The following SPMIP2 variants were observed in gnomAD, a reference collection of about 807,000 sequenced individuals.
SPMIP2 encodes the protein sperm microtubule inner protein 2, also known as protein SPMIP2.
At chr4:159,051,967 C>T in the SPMIP2 span, among the ~76,000 whole-genome samples, 4 of 152,094 alleles carry the variant, frequency 2.6e-5, no homozygotes, top group Non-Finnish European at 5.9e-5. Flanking sequence ...TGCCCTGCCC[C>T]CACACCCTCC....
chr4:159,046,479 C>G, the SPMIP2 span, among the ~76,000 whole-genome samples: 1 of 152,196 alleles, frequency 6.6e-6, no homozygotes, highest in African/African-American at 2.4e-5. Context: ...TCCTCAGCAG[C>G]ACTGGGAGTA....
chr4:158,905,392 C>T, the SPMIP2 span: 1 of 152,160 alleles, frequency 6.6e-6, no homozygotes, highest in Non-Finnish European at 1.5e-5. Flanking sequence ...TTTCTATAAG[C>T]TCAAGAGTGT....
the SPMIP2 span, among the ~76,000 whole-genome samples, chr4:158,970,477 C>CT: frequency 6.6e-6 from 1 of 151,884 alleles, no homozygotes; most frequent in East Asian, 1.9e-4. Context: ...GAGATGGAGG[C>CT]TGCAGTGAGC....
chr4:158,969,601 A>C, the SPMIP2 span, among the ~76,000 whole-genome samples: 1 of 152,206 alleles, frequency 6.6e-6, no homozygotes, highest in African/African-American at 2.4e-5. Flanking sequence ...GGTGTCACTC[A>C]GCATGGAAGT....
chr4:158,995,636 A>ACC, the SPMIP2 span, among the ~76,000 whole-genome samples: 1 of 152,104 alleles, frequency 6.6e-6, no homozygotes, highest in Non-Finnish European at 1.5e-5. Flanking sequence ...AGGCAGGTGG[A>ACC]TCACAAGGTC....
the SPMIP2 span, among the ~76,000 whole-genome samples, chr4:158,969,068 G>A: frequency 2.6e-5 from 4 of 152,030 alleles, no homozygotes; most frequent in Non-Finnish European, 5.9e-5. Context: ...ATGATTAATT[G>A]ATTTAATATT....
the SPMIP2 span, among the ~76,000 whole-genome samples, chr4:158,999,197 C>CAAAA: frequency 2.0e-5 from 3 of 149,230 alleles, no homozygotes; most frequent in African/African-American, 7.4e-5. Flanking sequence ...AAAAAAAACC[C>CAAAA]AAAAAAACCC....
At chr4:159,025,617 G>A in the SPMIP2 span, among the ~76,000 whole-genome samples, 1 of 151,854 alleles carries the variant, frequency 6.6e-6, no homozygotes, top group Admixed American at 6.6e-5. Flanking sequence ...TACTTGGTTG[G>A]CTTATTAAGA....
the SPMIP2 span, among the ~76,000 whole-genome samples, chr4:158,988,161 G>T: frequency 3.3e-5 from 5 of 151,326 alleles, no homozygotes; most frequent in East Asian, 9.7e-4. Context: ...ATAAATTCCT[G>T]GGCACATACA....
At chr4:159,039,995 A>G in the SPMIP2 span, among the ~76,000 whole-genome samples, 4 of 152,382 alleles carry the variant, frequency 2.6e-5, no homozygotes, top group African/African-American at 9.6e-5. Flanking sequence ...AACACAGGTC[A>G]GAATGTACTA....
At chr4:158,967,380 A>G in the SPMIP2 span, among the ~76,000 whole-genome samples, 42 of 152,284 alleles carry the variant, frequency 2.8e-4, no homozygotes, top group East Asian at 7.9e-3. Context: ...AAGACATATA[A>G]CTTTATACCA....
At chr4:159,000,650 C>T in the SPMIP2 span, among the ~76,000 whole-genome samples, 2 of 151,926 alleles carry the variant, frequency 1.3e-5, no homozygotes, top group East Asian at 1.9e-4. Flanking sequence ...CACGCCACCA[C>T]GCCCGGCTAG....
At chr4:159,025,926 G>C in the SPMIP2 span, among the ~76,000 whole-genome samples, 1 of 152,116 alleles carries the variant, frequency 6.6e-6, no homozygotes, top group Non-Finnish European at 1.5e-5. Flanking sequence ...TTTCCTAGTA[G>C]GTAGCACAGG....
chr4:158,899,845 G>A, the SPMIP2 span, among the ~76,000 whole-genome samples: 5 of 151,532 alleles, frequency 3.3e-5, no homozygotes, highest in African/African-American at 4.8e-5. Flanking sequence ...TCTCTATCTC[G>A]TTCAGTTCTG....
the SPMIP2 span, among the ~76,000 whole-genome samples, chr4:158,978,564 G>A: frequency 6.6e-6 from 1 of 152,154 alleles, no homozygotes; most frequent in African/African-American, 2.4e-5. Context: ...CTCTTTGTAA[G>A]GTGTCTAAGA....
At chr4:159,073,328 A>G in the SPMIP2 span, among the ~76,000 whole-genome samples, 1 of 151,896 alleles carries the variant, frequency 6.6e-6, no homozygotes, top group East Asian at 1.9e-4. Flanking sequence ...TAAAACTTGT[A>G]TATTTTGTAG....
At chr4:158,911,410 C>T in the SPMIP2 span, among the ~76,000 whole-genome samples, 5 of 146,184 alleles carry the variant, frequency 3.4e-5, no homozygotes, top group Admixed American at 6.8e-5. Flanking sequence ...CAGCCCTGTG[C>T]ACTCCAGTGA....
the SPMIP2 span, among the ~76,000 whole-genome samples, chr4:158,925,479 C>T: frequency 6.6e-6 from 1 of 152,102 alleles, no homozygotes. Context: ...CACCAGGGAC[C>T]AGTTTCATGG....
chr4:159,082,526 A>C, the SPMIP2 span, among the ~76,000 whole-genome samples: 1 of 148,744 alleles, frequency 6.7e-6, no homozygotes, highest in East Asian at 2.0e-4. Context: ...GATTTATCAA[A>C]TATGAACCTG....
Sources: allele counts gnomAD v4.1 joint callset (sites outside exome capture counted in the v4.1 genomes callset), GRCh38; gene constraint gnomAD v4.1.1; transcripts MANE v1.5; gene names NCBI Gene and HGNC (gene_info 2026-07-23, HGNC 2026-07-21).